Variants in ADAMTS9 observed in about 807,000 individuals in gnomAD.
ADAMTS9 encodes the protein A disintegrin and metalloproteinase with thrombospondin motifs 9.
In ADAMTS9, 107 loss-of-function variants were observed where a neutral mutation model predicts 257.1. That is an observed-to-expected ratio of 0.42 (90% confidence interval 0.36 to 0.49). ADAMTS9 has a LOEUF of 0.49. Ranked by LOEUF, ADAMTS9 falls within the 20% of genes least tolerant of loss-of-function variation. The pLI, the probability that ADAMTS9 is intolerant of heterozygous loss-of-function variation, is 0.03. For synonymous variants in ADAMTS9, 982 were observed against 880.9 expected (o/e 1.11, Z -2.03); for missense variants, 2,353 against 2,469.1 (o/e 0.95, Z 1.00).
chr3:64,673,648 G>A (rs1371872731), intron 3 of ADAMTS9, among the ~76,000 whole-genome samples: 1 of 152,102 alleles, frequency 6.6e-6, no homozygotes, highest in Non-Finnish European at 1.5e-5. Context: ...TATAGGTACT[G>A]TGTAGGCAAT....
At chr3:64,663,523 G>C (rs1396418736) in intron 3 of ADAMTS9, among the ~76,000 whole-genome samples, 1 of 150,484 alleles carries the variant, frequency 6.6e-6, no homozygotes, top group African/African-American at 2.5e-5. Flanking sequence ...AATCATCAGA[G>C]AGGACTTGGG....
intron 28 of ADAMTS9, among the ~76,000 whole-genome samples, chr3:64,570,112 G>C (rs1351119735): frequency 2.6e-5 from 4 of 151,862 alleles, no homozygotes; most frequent in East Asian, 1.9e-4. Context: ...ATAATATAAG[G>C]GTTCAATTAG....
intron 28 of ADAMTS9, among the ~76,000 whole-genome samples, chr3:64,593,686 C>T (rs569428623): frequency 3.9e-5 from 6 of 152,254 alleles, no homozygotes; most frequent in South Asian, 2.1e-4. Flanking sequence ...AGAACATTTC[C>T]GACACCCTAA....
intron 28 of ADAMTS9, 171 bp from the exon 29 acceptor site, chr3:64,568,706 A>T: frequency 1.4e-6 from 1 of 710,168 alleles, no homozygotes; most frequent in South Asian, 2.1e-5. Context: ...GGAAGGTGGC[A>T]TTGAAAAAAA....
At chr3:64,626,089 A>G (rs913313338) in intron 16 of ADAMTS9, among the ~76,000 whole-genome samples, 1 of 152,226 alleles carries the variant, frequency 6.6e-6, no homozygotes. Flanking sequence ...CTTCCTCTGT[A>G]TAATGAGTTT....
chr3:64,564,671 G>C (rs954780488), intron 29 of ADAMTS9, among the ~76,000 whole-genome samples: 1 of 151,880 alleles, frequency 6.6e-6, no homozygotes, highest in Non-Finnish European at 1.5e-5. Context: ...TACCTGGTTT[G>C]TAACTACCAG....
intron 12 of ADAMTS9, among the ~76,000 whole-genome samples, chr3:64,635,832 C>T (rs1277641305): frequency 1.3e-5 from 2 of 151,662 alleles, no homozygotes; most frequent in East Asian, 3.9e-4. Flanking sequence ...TTTCTCAGTA[C>T]CAAGGCACCC....
chr3:64,604,276 C>T lies in ADAMTS9; in HGVS notation c.3530G>A (p.Ser1177Asn), dbSNP rs367823474. The change falls in exon 24 of 40, where the codon AGC becomes AAC. Residue 1177 changes from serine to asparagine, a missense_variant. Around this residue, in one of 3 missense-constraint regions of ADAMTS9, gnomAD observed 1,402 missense variants for 1,441.4 expected, o/e 0.97. Coordinates refer to ENST00000498707, the MANE Select transcript of ADAMTS9 (RefSeq NM_182920.2). ...CTGGGTTCTTGGTGCACTGTATGTGCTTCTCCTCGTTTCCGGGGCAGCTGG... is the reference window on the plus strand; with the variant it reads ...CTGGGTTCTTGGTGCACTGTATGTGTTTCTCCTCGTTTCCGGGGCAGCTGG... ...PPPAAPETRR[S>N]TYSAPRTQWR... 22 of 1,613,502 alleles carry T rather than the reference C, an allele frequency of 1.4e-5. No individual in the cohort carries two copies. Among genetic ancestry groups the T allele is most frequent in the Non-Finnish European group, 1.6e-5 (19 of 1,179,820 alleles).
intron 3 of ADAMTS9, among the ~76,000 whole-genome samples, chr3:64,661,762 T>C (rs1389291534): frequency 6.6e-6 from 1 of 152,172 alleles, no homozygotes; most frequent in East Asian, 1.9e-4. Context: ...AAATTAAATT[T>C]TTTTAATACA....
At chr3:64,523,382 G>A (rs1022283591) in intron 38 of ADAMTS9, among the ~76,000 whole-genome samples, 4 of 152,146 alleles carry the variant, frequency 2.6e-5, no homozygotes, top group African/African-American at 9.7e-5. Flanking sequence ...ACTCTATGAA[G>A]AGTCTAGTGG....
chr3:64,584,676 C>T (rs1380017101), intron 28 of ADAMTS9, among the ~76,000 whole-genome samples: 4 of 152,046 alleles, frequency 2.6e-5, no homozygotes, highest in African/African-American at 9.7e-5. Context: ...AGAAAGATTG[C>T]AAGAACATCA....
At chr3:64,543,834 C>G (rs190312592) in intron 32 of ADAMTS9, among the ~76,000 whole-genome samples, 1 of 152,154 alleles carries the variant, frequency 6.6e-6, no homozygotes, top group Non-Finnish European at 1.5e-5. Flanking sequence ...AATTGTCCCT[C>G]TTTGCAGATG....
chr3:64,541,470 G>A (rs2083120973), intron 34 of ADAMTS9, 56 bp from the exon 35 acceptor site: 12 of 1,604,610 alleles, frequency 7.5e-6, no homozygotes, highest in Middle Eastern at 1.6e-4. Context: ...TAATGAGAGC[G>A]GTGATCACTC....
Position 64,529,953 on chromosome 3 carries a change from A to G in ADAMTS9, c.5718+3213T>C, listed in dbSNP as rs373414785. On this transcript the variant is annotated intron_variant, in intron 38 of 39. Coordinates refer to ENST00000498707, the MANE Select transcript of ADAMTS9 (RefSeq NM_182920.2). ...CAGCCTCCTGAGTAGCTAAGACTAC[A>G]GGTGCACACCACCACAGTCAGTTAT... 2.0e-5 allele frequency among the ~76,000 whole-genome samples: 3 copies of G among 150,662 alleles called. No homozygotes were observed. In the East Asian group the frequency reaches 5.9e-4, roughly 30 times the overall value.
In ADAMTS9 at chr3:64,522,262, T is replaced by G; in HGVS notation, c.5719-2A>C. ...TTTCCCTACGACTCGGGTACCATCC[T>G]GCAAGGAGATGCATCATGTTAGCCT... On this transcript the variant is annotated splice_acceptor_variant, in intron 38 of 39. Transcript: ENST00000498707. LOFTEE classifies it high-confidence loss of function. 6.2e-7 allele frequency: 1 copy of G among 1,613,674 alleles called. No homozygotes were observed. Among genetic ancestry groups the G allele is most frequent in the Non-Finnish European group, 8.5e-7 (1 of 1,179,606 alleles).
chr3:64,619,265 G>C (rs1358988084), intron 19 of ADAMTS9, among the ~76,000 whole-genome samples: 1 of 152,198 alleles, frequency 6.6e-6, no homozygotes, highest in Non-Finnish European at 1.5e-5. Context: ...GAAAAAACAG[G>C]TAAGGGGCTC....
At chr3:64,562,432 C>T (rs2083443766) in intron 29 of ADAMTS9, among the ~76,000 whole-genome samples, 1 of 152,120 alleles carries the variant, frequency 6.6e-6, no homozygotes, top group South Asian at 2.1e-4. Flanking sequence ...CATGTTGAAA[C>T]ATTTTGCTGA....
chr3:64,615,936 C>T (rs746530584), intron 20 of ADAMTS9, 24 bp downstream of exon 20: 6 of 1,612,066 alleles, frequency 3.7e-6, no homozygotes, highest in Non-Finnish European at 4.2e-6. Flanking sequence ...TCCAAGAAGA[C>T]TCTTTGAGTG....
rs2082862494 is a variant in ADAMTS9, at chr3:64,522,220, C to G, written c.5759G>C (p.Gly1920Ala). 1 of 1,613,948 alleles carries G rather than the reference C, an allele frequency of 6.2e-7. No homozygotes were observed. The highest frequency in any genetic ancestry group is 1.3e-5 in the African/African-American group (1 of 74,918). The change falls in exon 39 of 40, where the codon GGA becomes GCA. Residue 1920 changes from glycine (G) to alanine (A), a missense_variant. Around this residue, in one of 3 missense-constraint regions of ADAMTS9, gnomAD observed 1,402 missense variants for 1,441.4 expected, o/e 0.97. Coordinates refer to ENST00000498707, the MANE Select transcript of ADAMTS9 (RefSeq NM_182920.2). ...RVVGKCGGYC[G>A]KCTPSSGTGL... is the part of the protein sequence containing the mutation. Reference sequence around the variant, plus strand: ...AGTACCAGAGGATGGAGTGCATTTTCCACAGTAACCACCGCATTTCCCTAC... The same window carrying G: ...AGTACCAGAGGATGGAGTGCATTTTGCACAGTAACCACCGCATTTCCCTAC...
Sources: allele counts gnomAD v4.1 joint callset (sites outside exome capture counted in the v4.1 genomes callset), GRCh38; gene constraint gnomAD v4.1.1; regional missense constraint gnomAD v4.1.1; transcripts MANE v1.5; gene names NCBI Gene and HGNC (gene_info 2026-07-23, HGNC 2026-07-21).